SART3: variants seen among roughly 807,000 people sequenced by gnomAD.
SART3 encodes spliceosome associated factor 3, U4/U6 recycling protein, also known as HIV-1 Tat-interacting protein of 110kDa.
A neutral mutation model predicts 122.3 loss-of-function variants in SART3; 44 were observed. The ratio of observed to expected loss-of-function variants is 0.36; its 90% CI spans 0.28 to 0.46. The LOEUF (loss-of-function observed/expected upper bound fraction) is 0.46, where lower values mean the gene tolerates loss of function less well. Ranked by LOEUF, SART3 falls within the 20% of genes least tolerant of loss-of-function variation. The pLI is 1.00. For missense variants in SART3, 1,101 were observed against 1,229.0 expected, an observed-to-expected ratio of 0.90 and a Z score of 1.56; for synonymous variants, 442 against 454.0, an observed-to-expected ratio of 0.97 and a Z score of 0.34.
intron 11 of SART3, 94 bp from the exon 12 acceptor site, chr12:108,535,562 C>T (rs1872868250): frequency 1.0e-6 from 1 of 1,001,344 alleles, no homozygotes; most frequent in Non-Finnish European, 1.6e-6. Flanking sequence ...ATAAAAAGCA[C>T]CCCACAACTA....
chr12:108,557,867 A>G (rs1446473337), intron 1 of SART3, among the ~76,000 whole-genome samples: 1 of 152,246 alleles, frequency 6.6e-6, no homozygotes, highest in African/African-American at 2.4e-5. Context: ...GCCAGCTACC[A>G]TAAAATATAA....
chr12:108,525,011 G>C, intron 17 of SART3: 1 of 297,084 alleles, frequency 3.4e-6, no homozygotes, highest in Non-Finnish European at 6.4e-6. Flanking sequence ...GGCACAAAAG[G>C]ACTTAGCAGG....
At chr12:108,542,398 AG>A (rs1873209357) in intron 6 of SART3, among the ~76,000 whole-genome samples, 1 of 152,200 alleles carries the variant, frequency 6.6e-6, no homozygotes, top group Non-Finnish European at 1.5e-5. Flanking sequence ...GTCATTCCTA[AG>A]TACGTATTCT....
At chr12:108,534,542 T>C (rs1420131563) in intron 12 of SART3, among the ~76,000 whole-genome samples, 10 of 149,284 alleles carry the variant, frequency 6.7e-5, no homozygotes, top group Non-Finnish European at 1.5e-4. Flanking sequence ...TAGCCAGGTG[T>C]GGTGGTGCAC....
At chr12:108,554,677 T>C (rs1175152548) in intron 1 of SART3, among the ~76,000 whole-genome samples, 1 of 148,368 alleles carries the variant, frequency 6.7e-6, no homozygotes, top group African/African-American at 2.4e-5. Context: ...TATATATTTA[T>C]ATATTTATAT....
In SART3 at chr12:108,522,348, G is replaced by T. The variant is rs1872165598; in HGVS notation, c.*1109C>A. 6.6e-6 allele frequency among the ~76,000 whole-genome samples: 1 copy of T among 152,196 alleles called. No homozygotes were observed. Among genetic ancestry groups the T allele is most frequent in the Non-Finnish European group, 1.5e-5 (1 of 68,036 alleles). ...TAAACTTACGCAACAGATAAATGAGGAGTTGATTCCCACGACATATACAAG... is the reference window on the plus strand; with the variant it reads ...TAAACTTACGCAACAGATAAATGAGTAGTTGATTCCCACGACATATACAAG... On this transcript the variant is annotated 3_prime_UTR_variant, in exon 19 of 19. Transcript: ENST00000546815.
At chr12:108,536,436 C>T in intron 11 of SART3, 78 bp downstream of exon 11, 1 of 1,416,012 alleles carries the variant, frequency 7.1e-7, no homozygotes, top group Non-Finnish European at 1.0e-6. Flanking sequence ...GGGATTCTGA[C>T]TCAATTTTAA....
intron 3 of SART3, among the ~76,000 whole-genome samples, chr12:108,547,609 A>G (rs902969678): frequency 6.6e-6 from 1 of 152,240 alleles, no homozygotes; most frequent in Non-Finnish European, 1.5e-5. Context: ...AATGTATAAA[A>G]GATCAGTGGA....
Position 108,522,435 on chromosome 12 carries a change from C to T in SART3, c.*1022G>A, listed in dbSNP as rs1872170934. The T allele has an allele frequency of 6.6e-6, 1 of 152,124 alleles. No homozygotes were observed. Among genetic ancestry groups the T allele is most frequent in the South Asian group, 2.1e-4 (1 of 4,826 alleles). The allele number at this position is 152,124 out of a possible 1,614,324, so 9.4% of individuals were successfully genotyped here. A position where few individuals can be genotyped will look rare whatever the true frequency, so the allele number is the denominator to read the frequency against. ...AGCAAGCTTCCCCTACTGAACTGGC[C>T]AATGCTGTTGCTGTTTTCAAAGCAG... is the stretch of plus-strand genomic sequence containing the variant. On this transcript the variant is annotated 3_prime_UTR_variant, in exon 19 of 19. Transcript: ENST00000546815.
intron 1 of SART3, among the ~76,000 whole-genome samples, chr12:108,559,664 C>CAAAA (rs35159668): frequency 1.6e-4 from 13 of 79,740 alleles, no homozygotes; most frequent in African/African-American, 5.7e-4. Flanking sequence ...GACTCTGTCT[C>CAAAA]AAAAAAAAAA....
At chr12:108,542,656 A>T (rs1873221692) in intron 6 of SART3, 1 of 347,860 alleles carries the variant, frequency 2.9e-6, no homozygotes, top group African/African-American at 2.1e-5. Context: ...AATATATAAA[A>T]GTTCAAAAGC....
chr12:108,544,833 G>T, intron 4 of SART3: 1 of 568,534 alleles, frequency 1.8e-6, no homozygotes, highest in East Asian at 3.1e-5. Flanking sequence ...CCAAACTGCT[G>T]GAATTACAAG....
chr12:108,542,910 AT>A, intron 6 of SART3, 117 bp downstream of exon 6: 1 of 1,359,108 alleles, frequency 7.4e-7, no homozygotes. Flanking sequence ...GTACGTATAC[AT>A]TTATACACTC....
At chr12:108,553,850 T>C (rs2030106317) in intron 1 of SART3, among the ~76,000 whole-genome samples, 1 of 152,230 alleles carries the variant, frequency 6.6e-6, no homozygotes, top group Non-Finnish European at 1.5e-5. Context: ...CTAATTATAA[T>C]AGTAAAACCC....
At chr12:108,538,416 G>A (rs990256160) in intron 7 of SART3, among the ~76,000 whole-genome samples, 2 of 152,192 alleles carry the variant, frequency 1.3e-5, no homozygotes, top group Non-Finnish European at 2.9e-5. Flanking sequence ...AAAGACGTCA[G>A]CCAACCCTAC....
At chr12:108,558,674 T>C (rs2136699808) in intron 1 of SART3, among the ~76,000 whole-genome samples, 1 of 152,328 alleles carries the variant, frequency 6.6e-6, no homozygotes, top group Admixed American at 6.5e-5. Context: ...ACAGTCAATC[T>C]GGTACCCAGT....
chr12:108,545,197 C>A lies in SART3; in HGVS notation c.671G>T (p.Gly224Val), dbSNP rs1460754737. The A allele has an allele frequency of 6.2e-7, 1 of 1,614,122 alleles. No homozygotes were observed. ...LSSVGLHMTKGLALWEAYREF... is the reference protein window; with the variant it reads ...LSSVGLHMTKVLALWEAYREF... ...TCGGTAAGCCTCCCAGAGGGCGAGT[C>A]CTTTGGTCATATGTAAACCAACAGA... The change falls in exon 4 of 19, where the codon GGA becomes GTA. Residue 224 changes from glycine to valine, a missense_variant. Gly to Val is a moderately radical substitution (Grantham distance 109, BLOSUM62 -3). Transcript: ENST00000546815.
intron 12 of SART3, among the ~76,000 whole-genome samples, chr12:108,534,304 G>A (rs57220400): frequency 0.013 from 1,999 of 152,182 alleles, 48 homozygotes; most frequent in African/African-American, 0.046. Context: ...AATGGATCCT[G>A]AGACCAAAAA....
chr12:108,539,085 T>G lies in SART3; in HGVS notation c.911A>C (p.Gln304Pro). The change falls in exon 7 of 19, where the codon CAG becomes CCG. Residue 304 changes from glutamine to proline, a missense_variant. This residue lies in a region of SART3 where 885 missense variants were observed against 1,080.1 expected (regional missense o/e 0.82). Transcript: ENST00000546815. ...TTCTGCCAGCCTTGGTGCCTCTGCC[T>G]GCAACTGGAGTACAGGAAAATTGTA... ...KYKPYEEALL[Q>P]AEAPRLAEYQ... 2 of 1,614,166 alleles carry G rather than the reference T, an allele frequency of 1.2e-6. No homozygotes were observed. The highest frequency in any genetic ancestry group is 2.2e-5 in the South Asian group (2 of 91,088).
Sources: gnomAD v4.1 joint callset for allele counts (sites outside exome capture counted in the v4.1 genomes callset) on GRCh38, gnomAD v4.1.1 for gene constraint, gnomAD v4.1.1 regional missense constraint, MANE v1.5 for transcripts, NCBI Gene and HGNC (gene_info 2026-07-23, HGNC 2026-07-21) for gene names.